Variants in RUFY1 observed in about 807,000 individuals in gnomAD.
The protein encoded by RUFY1 is RUN and FYVE domain containing 1.
Under a neutral mutation model 94.6 loss-of-function variants are expected in RUFY1, and 54 were observed. The observed-to-expected ratio is 0.57, with a 90% CI of 0.46 to 0.72. The LOEUF (loss-of-function observed/expected upper bound fraction) is 0.72, where lower values mean the gene tolerates loss of function less well. Ranked by LOEUF, RUFY1 falls within the 30% of genes least tolerant of loss-of-function variation. The probability of loss-of-function intolerance (pLI) is 0.00; values close to 1 mark genes in which losing one functional copy is unlikely to be tolerated. For missense variants in RUFY1, 883 were observed against 883.9 expected, an observed-to-expected ratio of 1.00 and a Z score of 0.01; for synonymous variants, 396 against 347.3, an observed-to-expected ratio of 1.14 and a Z score of -1.56.
At chr5:179,555,507 A>C (rs896685024) in intron 1 of RUFY1, 24 of 282,504 alleles carry the variant, frequency 8.5e-5, no homozygotes, top group African/African-American at 4.9e-4. Context: ...GGGATGCATG[A>C]GATGGCAAAA....
chr5:179,608,499 G>A (rs1053807350), intron 17 of RUFY1: 2 of 985,462 alleles, frequency 2.0e-6, no homozygotes, highest in African/African-American at 1.7e-5. Flanking sequence ...GGCACCCAGG[G>A]AACCTGTTTA....
intron 3 of RUFY1, among the ~76,000 whole-genome samples, chr5:179,565,672 A>G (rs953336721): frequency 1.3e-5 from 2 of 152,134 alleles, no homozygotes; most frequent in African/African-American, 4.8e-5. Flanking sequence ...TGTCTGTCTA[A>G]TTTTGTTTAA....
chr5:179,571,504 G>GA (rs10710528), intron 5 of RUFY1, among the ~76,000 whole-genome samples: 1,924 of 134,354 alleles, frequency 0.014, 39 homozygotes, highest in African/African-American at 0.043. Flanking sequence ...ACTCTGTCTG[G>GA]AAAAAAAAAA....
chr5:179,596,481 A>C, intron 12 of RUFY1, 81 bp from the exon 13 acceptor site: 1 of 1,556,548 alleles, frequency 6.4e-7, no homozygotes, highest in Non-Finnish European at 8.9e-7. Context: ...GGTAATTTTA[A>C]AAATGAATTT....
intron 7 of RUFY1, among the ~76,000 whole-genome samples, chr5:179,581,542 T>C (rs1163807079): frequency 6.6e-6 from 1 of 151,800 alleles, no homozygotes; most frequent in Non-Finnish European, 1.5e-5. Flanking sequence ...GTTATTCCCT[T>C]TCTGAGTCCC....
chr5:179,593,797 G>A, intron 11 of RUFY1, 152 bp downstream of exon 11: 1 of 1,274,420 alleles, frequency 7.8e-7, no homozygotes, highest in Non-Finnish European at 1.1e-6. Context: ...TGATCCTCAT[G>A]GCAGTCCCTG....
chr5:179,572,920 C>T (rs1276926941), intron 5 of RUFY1, among the ~76,000 whole-genome samples: 1 of 152,152 alleles, frequency 6.6e-6, no homozygotes, highest in East Asian at 1.9e-4. Flanking sequence ...GTAAATTTTA[C>T]ACATTTTTGC....
At chr5:179,579,267 C>T (rs1763896368) in intron 6 of RUFY1, among the ~76,000 whole-genome samples, 1 of 152,218 alleles carries the variant, frequency 6.6e-6, no homozygotes, top group Non-Finnish European at 1.5e-5. Context: ...GAAATTTAAA[C>T]AAAATATATT....
chr5:179,609,670 A>T lies in RUFY1; in HGVS notation c.*151A>T. The T allele has an allele frequency of 1.4e-6, 1 of 700,442 alleles. No individual in the cohort carries two copies. The highest frequency in any genetic ancestry group is 2.2e-6 in the Non-Finnish European group (1 of 449,940). The allele number at this position is 700,442 out of a possible 1,614,324, so 43.4% of individuals were successfully genotyped here. A position where few individuals can be genotyped will look rare whatever the true frequency, so the allele number is the denominator to read the frequency against. On this transcript the variant is annotated 3_prime_UTR_variant, in exon 18 of 18. Coordinates refer to ENST00000319449, the MANE Select transcript of RUFY1 (RefSeq NM_025158.5). ...GCACTCCAGAAGACAGCGTGCCGGA[A>T]CCGGCAGCTCTCACCTTTCTGTGAC...
At chr5:179,564,574 G>A (rs1490994599) in intron 3 of RUFY1, among the ~76,000 whole-genome samples, 1 of 151,872 alleles carries the variant, frequency 6.6e-6, no homozygotes, top group African/African-American at 2.4e-5. Flanking sequence ...TATAGGCTGA[G>A]GCAGGAGAAT....
chr5:179,603,426 G>A (rs1483905690), intron 15 of RUFY1, among the ~76,000 whole-genome samples: 2 of 126,162 alleles, frequency 1.6e-5, no homozygotes, highest in African/African-American at 3.0e-5. Context: ...CCCACCCTCC[G>A]CCCTGCCTGC....
chr5:179,586,766 T>C (rs1764638434), intron 8 of RUFY1, among the ~76,000 whole-genome samples: 1 of 152,072 alleles, frequency 6.6e-6, no homozygotes, highest in Non-Finnish European at 1.5e-5. Context: ...TCATGGAACT[T>C]AGGATTGGAG....
Position 179,596,443 on chromosome 5 carries a change from A to G in RUFY1, c.1512-119A>G, listed in dbSNP as rs1461138109. 1.1e-5 allele frequency: 15 copies of G among 1,314,626 alleles called. No homozygotes were observed. In the South Asian group the frequency reaches 1.2e-4, roughly 10 times the overall value. The allele number at this position is 1,314,626 out of a possible 1,614,324, so 81.4% of individuals were successfully genotyped here. On this transcript the variant is annotated intron_variant, in intron 12 of 17. Coordinates refer to ENST00000319449, the MANE Select transcript of RUFY1 (RefSeq NM_025158.5). ...GGTGGAGCTGAATCTCCACGTGTTAAAACTCACAAGAGTTAATTTTACTGT... is the reference window on the plus strand; with the variant it reads ...GGTGGAGCTGAATCTCCACGTGTTAGAACTCACAAGAGTTAATTTTACTGT...
chr5:179,594,174 C>T (rs1268030560), intron 11 of RUFY1, among the ~76,000 whole-genome samples: 2 of 151,818 alleles, frequency 1.3e-5, no homozygotes, highest in Non-Finnish European at 2.9e-5. Flanking sequence ...TGGAGGTGCA[C>T]GCCTCTAATC....
chr5:179,563,165 A>G (rs918116208), intron 3 of RUFY1, among the ~76,000 whole-genome samples: 14 of 152,170 alleles, frequency 9.2e-5, no homozygotes, highest in African/African-American at 3.4e-4. Context: ...GCATCTAGAA[A>G]GGGTCTTAGG....
In RUFY1 at chr5:179,591,647, T is replaced by G. The variant is rs573432318; in HGVS notation, c.1151T>G (p.Val384Gly). The change falls in exon 10 of 18, where the codon GTT becomes GGT. Residue 384 changes from valine (V) to glycine (G), a missense_variant. Transcript: ENST00000319449. ...CAGATAACAAAACAGGATACCAAAG[T>G]TGAGCTGGAGACTTACAAGCAAACT... is the stretch of plus-strand genomic sequence containing the variant. ...SVEITKQDTKVELETYKQTRQ... is the reference protein window; with the variant it reads ...SVEITKQDTKGELETYKQTRQ... 26 of 1,612,648 alleles carry G rather than the reference T, an allele frequency of 1.6e-5. No homozygotes were observed. The Admixed American group carries it at 3.3e-4, about 21-fold the overall frequency.
rs1024506793 is a variant in RUFY1, at chr5:179,586,493, C to T, written c.1026+628C>T. On this transcript the variant is annotated intron_variant, in intron 8 of 17. Transcript: ENST00000319449. ...TTCCACAGGTAGCAGTCCCCGGCTG[C>T]CCAGGCCTCCCACCTAGAAGGACAA... is the stretch of plus-strand genomic sequence containing the variant. 8.1e-5 allele frequency: 37 copies of T among 454,262 alleles called. No homozygotes were observed. The Admixed American group carries it at 8.7e-4, about 11-fold the overall frequency. The allele number at this position is 454,262 out of a possible 1,614,324, so 28.1% of individuals were successfully genotyped here.
chr5:179,597,888 G>T (rs1287518830), intron 13 of RUFY1, among the ~76,000 whole-genome samples: 1 of 152,094 alleles, frequency 6.6e-6, no homozygotes, highest in African/African-American at 2.4e-5. Flanking sequence ...TCTGGCTGTA[G>T]GTTGTAGAAA....
At chr5:179,597,392 C>T (rs1338811293) in intron 13 of RUFY1, among the ~76,000 whole-genome samples, 1 of 152,190 alleles carries the variant, frequency 6.6e-6, no homozygotes, top group African/African-American at 2.4e-5. Flanking sequence ...TCAGCCACCA[C>T]ACCTGGCTAA....
Sources: allele counts gnomAD v4.1 joint callset (sites outside exome capture counted in the v4.1 genomes callset), GRCh38; gene constraint gnomAD v4.1.1; transcripts MANE v1.5; gene names NCBI Gene and HGNC (gene_info 2026-07-23, HGNC 2026-07-21).